Variants in MAGI2 observed in about 807,000 individuals in gnomAD.
MAGI2 encodes the protein membrane-associated guanylate kinase, WW and PDZ domain-containing protein 2.
In MAGI2, 35 loss-of-function variants were observed where a neutral mutation model predicts 133.3. The ratio of observed to expected loss-of-function variants is 0.26; its 90% CI spans 0.20 to 0.35. The LOEUF is 0.35. Ranked by LOEUF, MAGI2 falls within the 10% of genes least tolerant of loss-of-function variation. The probability of loss-of-function intolerance (pLI) is 1.00; values close to 1 mark genes in which losing one functional copy is unlikely to be tolerated. For synonymous variants in MAGI2, 729 were observed against 710.6 expected, an observed-to-expected ratio of 1.03 and a Z score of -0.41; for missense variants, 1,636 against 1,863.4, an observed-to-expected ratio of 0.88 and a Z score of 2.25.
intron 10 of MAGI2, among the ~76,000 whole-genome samples, chr7:78,228,096 A>T (rs1482020435): frequency 1.3e-5 from 2 of 152,222 alleles, no homozygotes; most frequent in African/African-American, 4.8e-5. Context: ...CATTTTATGG[A>T]CATTGAAATT....
chr7:78,123,879 T>C (rs1820707232), intron 20 of MAGI2, among the ~76,000 whole-genome samples: 1 of 152,164 alleles, frequency 6.6e-6, no homozygotes. Flanking sequence ...AGAATCTACA[T>C]TTCTACCAAG....
At chr7:79,136,044 AGAAG>A (rs1464010137) in intron 1 of MAGI2, among the ~76,000 whole-genome samples, 80 of 136,976 alleles carry the variant, frequency 5.8e-4, no homozygotes, top group Middle Eastern at 6.8e-3. Context: ...AAAGAAAGAA[AGAAG>A]GAAAGAAAGA....
At chr7:78,837,817 T>G (rs1283698810) in intron 2 of MAGI2, among the ~76,000 whole-genome samples, 2 of 152,140 alleles carry the variant, frequency 1.3e-5, no homozygotes, top group African/African-American at 4.8e-5. Context: ...TTATTCGTAC[T>G]AGAAGCATTA....
chr7:78,182,824 C>G (rs1827310464), intron 13 of MAGI2, among the ~76,000 whole-genome samples: 2 of 152,206 alleles, frequency 1.3e-5, no homozygotes, highest in African/African-American at 4.8e-5. Context: ...TCCTGGCTCT[C>G]TTATTTTTGG....
chr7:78,164,578 G>A (rs1449261357), intron 15 of MAGI2, among the ~76,000 whole-genome samples: 2 of 152,220 alleles, frequency 1.3e-5, no homozygotes, highest in African/African-American at 2.4e-5. Flanking sequence ...TTTAGAATTG[G>A]CAAAAAGTGT....
At chr7:78,263,183 A>G (rs1793678909) in intron 9 of MAGI2, among the ~76,000 whole-genome samples, 1 of 152,144 alleles carries the variant, frequency 6.6e-6, no homozygotes, top group Non-Finnish European at 1.5e-5. Context: ...ATTCCATGGC[A>G]TTATATGTAC....
At chr7:79,437,888 A>G (rs917863510) in intron 1 of MAGI2, among the ~76,000 whole-genome samples, 3 of 152,164 alleles carry the variant, frequency 2.0e-5, no homozygotes, top group Non-Finnish European at 4.4e-5. Context: ...TCAATTCCAT[A>G]TGCTACCCAT....
intron 1 of MAGI2, among the ~76,000 whole-genome samples, chr7:79,016,217 C>T (rs562975616): frequency 1.7e-4 from 26 of 152,184 alleles, no homozygotes; most frequent in African/African-American, 5.8e-4. Context: ...GACACCCATC[C>T]CCCAGGGCTG....
At chr7:78,180,814 C>A (rs1275690111) in intron 13 of MAGI2, among the ~76,000 whole-genome samples, 2 of 151,400 alleles carry the variant, frequency 1.3e-5, no homozygotes, top group Non-Finnish European at 1.5e-5. Context: ...TTTTTTATTT[C>A]TTTGTTAATT....
At chr7:78,062,732 C>T (rs1267824249) in intron 21 of MAGI2, among the ~76,000 whole-genome samples, 1 of 152,232 alleles carries the variant, frequency 6.6e-6, no homozygotes, top group Non-Finnish European at 1.5e-5. Flanking sequence ...TGCTCCGGCT[C>T]CAGCTCCTGA....
chr7:78,416,131 T>G (rs910223850), intron 6 of MAGI2, among the ~76,000 whole-genome samples: 4 of 151,826 alleles, frequency 2.6e-5, no homozygotes, highest in African/African-American at 9.7e-5. Flanking sequence ...ATCAAGGGAG[T>G]TGCTGACAAG....
At chr7:79,347,380 C>T (rs915796516) in intron 1 of MAGI2, among the ~76,000 whole-genome samples, 2 of 151,906 alleles carry the variant, frequency 1.3e-5, no homozygotes, top group African/African-American at 2.4e-5. Flanking sequence ...CCTCTCTGTT[C>T]TTCCATAATC....
chr7:78,775,695 T>C (rs1825936464), intron 2 of MAGI2, among the ~76,000 whole-genome samples: 1 of 152,222 alleles, frequency 6.6e-6, no homozygotes, highest in Non-Finnish European at 1.5e-5. Flanking sequence ...TATAAGGTTC[T>C]TATATTAGTG....
At chr7:79,424,259 TC>T (rs952026150) in intron 1 of MAGI2, among the ~76,000 whole-genome samples, 5 of 137,244 alleles carry the variant, frequency 3.6e-5, no homozygotes, top group African/African-American at 1.7e-4. Context: ...ATTTTTCTTT[TC>T]TTTTTTTTTT....
At chr7:78,777,156 C>A (rs1826049440) in intron 2 of MAGI2, among the ~76,000 whole-genome samples, 1 of 152,178 alleles carries the variant, frequency 6.6e-6, no homozygotes, top group Non-Finnish European at 1.5e-5. Context: ...TTACCCCATT[C>A]TAAGAGAAGA....
At chr7:78,398,040 A>C (rs1796518119) in intron 6 of MAGI2, among the ~76,000 whole-genome samples, 1 of 152,092 alleles carries the variant, frequency 6.6e-6, no homozygotes, top group Admixed American at 6.6e-5. Context: ...GGAGGCATAA[A>C]TCCTTCAGGA....
chr7:78,699,982 GAAATT>G (rs1341475365), intron 2 of MAGI2, among the ~76,000 whole-genome samples: 1 of 152,052 alleles, frequency 6.6e-6, no homozygotes, highest in African/African-American at 2.4e-5. Context: ...CTCTAAGCAA[GAAATT>G]AATTTTAGTT....
At chr7:78,365,569 G>A (rs1793292409) in intron 7 of MAGI2, among the ~76,000 whole-genome samples, 1 of 152,246 alleles carries the variant, frequency 6.6e-6, no homozygotes, top group East Asian at 1.9e-4. Flanking sequence ...TATCACTATA[G>A]AGAGAATTAT....
At chr7:78,382,673 C>A (rs59272929) in intron 6 of MAGI2, among the ~76,000 whole-genome samples, 3 of 151,990 alleles carry the variant, frequency 2.0e-5, no homozygotes, top group Admixed American at 6.6e-5. Context: ...TAAGTACAGT[C>A]GCCGTACTCT....
Sources: allele counts gnomAD v4.1 joint callset (sites outside exome capture counted in the v4.1 genomes callset), GRCh38; gene constraint gnomAD v4.1.1; transcripts MANE v1.5; gene names NCBI Gene and HGNC (gene_info 2026-07-23, HGNC 2026-07-21).